Variants in ABCC1 observed in about 807,000 individuals in gnomAD.
ABCC1 encodes multidrug resistance-associated protein 1.
Under a neutral mutation model 172.9 loss-of-function variants are expected in ABCC1, and 83 were observed. The ratio of observed to expected loss-of-function variants is 0.48; its 90% CI spans 0.40 to 0.58. ABCC1 has a LOEUF of 0.58. ABCC1 is among the 20% of genes least tolerant of loss of function. The pLI is 0.00. For missense variants in ABCC1, 1,817 were observed against 2,002.7 expected (o/e 0.91, Z 1.77); for synonymous variants, 937 against 825.2 (o/e 1.14, Z -2.32).
intron 1 of ABCC1, among the ~76,000 whole-genome samples, chr16:15,991,284 T>C (rs547733465): frequency 1.4e-5 from 2 of 145,282 alleles, no homozygotes; most frequent in Non-Finnish European, 3.0e-5. Context: ...TGTGTGTGTG[T>C]GGTGGGGTGC....
At chr16:16,030,597 C>T (rs962037817) in intron 5 of ABCC1, among the ~76,000 whole-genome samples, 1 of 151,988 alleles carries the variant, frequency 6.6e-6, no homozygotes, top group African/African-American at 2.4e-5. Context: ...TGTCAAAGCT[C>T]AAATTGTCCC....
chr16:16,101,444 C>T (rs141960662), intron 19 of ABCC1, among the ~76,000 whole-genome samples: 4 of 152,330 alleles, frequency 2.6e-5, no homozygotes, highest in Non-Finnish European at 5.9e-5. Flanking sequence ...CCCCTCTTCC[C>T]TTCCAGGTGT....
At chr16:16,062,717 GT>G (rs1276846428) in intron 12 of ABCC1, among the ~76,000 whole-genome samples, 1 of 152,128 alleles carries the variant, frequency 6.6e-6, no homozygotes, top group Non-Finnish European at 1.5e-5. Context: ...GTGCCTGAGT[GT>G]TTTTTCCACT....
rs1208253577 is a variant in ABCC1 at position 16,009,845 on chromosome 16, G to T, written c.295G>T (p.Gly99Cys). The T allele has an allele frequency of 1.2e-6, 2 of 1,611,608 alleles. No homozygotes were observed. The highest frequency in any genetic ancestry group is 2.7e-5 in the African/African-American group (2 of 74,688). The change falls in exon 3 of 31, where the codon GGC becomes TGC. Residue 99 changes from glycine (G) to cysteine (C), a missense_variant. Transcript: ENST00000399410. ...LFYSFWERSR[G>C]IFLAPVFLVS... ...CTACTCTTTCTGGGAAAGAAGTCGGGGCATATTCCTGGCCCCAGTGTTTCT... is the reference window on the plus strand; with the variant it reads ...CTACTCTTTCTGGGAAAGAAGTCGGTGCATATTCCTGGCCCCAGTGTTTCT...
chr16:15,992,824 A>G (rs2046913565), intron 1 of ABCC1, among the ~76,000 whole-genome samples: 2 of 152,138 alleles, frequency 1.3e-5, no homozygotes, highest in Admixed American at 6.5e-5. Context: ...AAGATTGGCT[A>G]TGTGGTGGCC....
intron 14 of ABCC1, among the ~76,000 whole-genome samples, chr16:16,072,527 A>C: frequency 6.9e-6 from 1 of 144,632 alleles, no homozygotes; most frequent in East Asian, 2.0e-4. Flanking sequence ...TTGGAGAGAC[A>C]AGGTCTTGCT....
intron 7 of ABCC1, among the ~76,000 whole-genome samples, chr16:16,043,736 G>A (rs1597163305): frequency 6.6e-6 from 1 of 152,192 alleles, no homozygotes; most frequent in East Asian, 1.9e-4. Flanking sequence ...CAAGTAGCTG[G>A]GATTACAGGC....
At chr16:16,082,099 G>A (rs916873143) in intron 16 of ABCC1, among the ~76,000 whole-genome samples, 2 of 152,176 alleles carry the variant, frequency 1.3e-5, no homozygotes, top group Non-Finnish European at 2.9e-5. Context: ...GCTGTCCCTG[G>A]TGTGTTTTCT....
intron 1 of ABCC1, among the ~76,000 whole-genome samples, chr16:15,990,622 C>T (rs1007874714): frequency 2.0e-5 from 3 of 151,910 alleles, no homozygotes; most frequent in Non-Finnish European, 2.9e-5. Context: ...GTTCTCCAGG[C>T]GCATCCATGT....
chr16:16,140,928 CTG>C (rs1293482077), intron 30 of ABCC1, among the ~76,000 whole-genome samples: 1 of 152,214 alleles, frequency 6.6e-6, no homozygotes. Flanking sequence ...ACAGTCAACA[CTG>C]TTAATACCAT....
At chr16:16,032,360 A>G (rs2048588120) in intron 5 of ABCC1, among the ~76,000 whole-genome samples, 1 of 152,298 alleles carries the variant, frequency 6.6e-6, no homozygotes, top group East Asian at 1.9e-4. Flanking sequence ...AGTTTGTGTA[A>G]AGCACTTAGA....
At chr16:16,083,253 T>C in intron 16 of ABCC1, 113 bp from the exon 17 acceptor site, 2 of 1,064,234 alleles carry the variant, frequency 1.9e-6, no homozygotes, top group Non-Finnish European at 2.8e-6. Context: ...ATAGTTGTGA[T>C]GAAAATGACT....
chr16:16,047,540 G>A (rs931117945), intron 9 of ABCC1, among the ~76,000 whole-genome samples: 4 of 152,150 alleles, frequency 2.6e-5, no homozygotes, highest in African/African-American at 9.7e-5. Flanking sequence ...ACCAGGGCAC[G>A]TTTGGCAATA....
chr16:15,969,367 CTT>C lies in ABCC1; in HGVS notation c.48+19585_48+19586del, dbSNP rs57250944. The stretch of plus-strand genomic sequence containing the variant: ...TTTCCTCTTTAGGCAGCTGGTCAGT[CTT>C]TTTTTTTTTTTTTTTTCTTTTTAAG... On this transcript the variant is annotated intron_variant, in intron 1 of 30. Transcript: ENST00000399410. Among the ~76,000 whole-genome samples the C allele has an allele frequency of 3.3e-3, 439 of 131,556 alleles. 1 individual carries two copies. The highest frequency in any genetic ancestry group is 0.012 in the African/African-American group (404 of 34,884). The allele number at this position is 131,556 out of a possible 152,430, so 86.3% of individuals were successfully genotyped here. A position where few individuals can be genotyped will look rare whatever the true frequency, so the allele number is the denominator to read the frequency against.
At position 16,062,395 on chromosome 16, in the gene ABCC1, G is replaced by T. The variant is rs978959496; in HGVS notation, c.1678-5761G>T. ...AGGGTCTTGTTTTGCTGTCCAGGCT[G>T]GAGTACAGTGGCTTGATCACAGCTC... On this transcript the variant is annotated intron_variant, in intron 12 of 30. Coordinates refer to ENST00000399410, the MANE Select transcript of ABCC1 (RefSeq NM_004996.4). Among the ~76,000 whole-genome samples the T allele has an allele frequency of 3.3e-5, 5 of 152,012 alleles. No homozygotes were observed. The East Asian group carries it at 9.7e-4, about 29-fold the overall frequency.
At chr16:15,968,723 A>C (rs1476506208) in intron 1 of ABCC1, among the ~76,000 whole-genome samples, 1 of 151,936 alleles carries the variant, frequency 6.6e-6, no homozygotes, top group Admixed American at 6.6e-5. Flanking sequence ...TTCTACAAAA[A>C]CATATATATG....
chr16:16,124,116 CGTT>C (rs1163701710), intron 24 of ABCC1, among the ~76,000 whole-genome samples: 2 of 152,112 alleles, frequency 1.3e-5, no homozygotes, highest in Admixed American at 6.6e-5. Flanking sequence ...GGCTTGGGAA[CGTT>C]ACAATGATGT....
At chr16:16,054,424 G>A (rs1051546850) in intron 11 of ABCC1, among the ~76,000 whole-genome samples, 19 of 152,104 alleles carry the variant, frequency 1.2e-4, no homozygotes, top group Admixed American at 7.2e-4. Flanking sequence ...CTTCCAACCC[G>A]GTGCCTTTTG....
At chr16:16,098,770 C>A in intron 19 of ABCC1, 3 of 1,096,842 alleles carry the variant, frequency 2.7e-6, no homozygotes, top group South Asian at 1.2e-5. Context: ...TGCCTCTCCC[C>A]CTTTAGAAAA....
Sources: gnomAD v4.1 joint callset for allele counts (sites outside exome capture counted in the v4.1 genomes callset) on GRCh38, gnomAD v4.1.1 for gene constraint, MANE v1.5 for transcripts, NCBI Gene and HGNC (gene_info 2026-07-23, HGNC 2026-07-21) for gene names.